RNF2: variants seen among roughly 807,000 people sequenced by gnomAD.
The protein encoded by RNF2 is E3 ubiquitin-protein ligase RING2.
A neutral mutation model predicts 37.2 loss-of-function variants in RNF2; 6 were observed. That is an observed-to-expected ratio of 0.16 (90% CI 0.09 to 0.32). The LOEUF (loss-of-function observed/expected upper bound fraction) is 0.32, where lower values mean the gene tolerates loss of function less well. Among genes scored for constraint, RNF2 ranks in the 10% least tolerant of loss-of-function variants. The probability of loss-of-function intolerance (pLI) is 1.00; values close to 1 mark genes in which losing one functional copy is unlikely to be tolerated. For synonymous variants in RNF2, 133 were observed against 132.7 expected (o/e 1.00, Z -0.02); for missense variants, 251 against 404.0 (o/e 0.62, Z 3.25).
At chr1:185,092,804 A>G (rs1651805348) in intron 3 of RNF2, among the ~76,000 whole-genome samples, 1 of 152,102 alleles carries the variant, frequency 6.6e-6, no homozygotes, top group Non-Finnish European at 1.5e-5. Flanking sequence ...TATTTCTAAG[A>G]TGGTTATATA....
intron 3 of RNF2, among the ~76,000 whole-genome samples, chr1:185,092,280 G>T (rs1177800879): frequency 6.6e-6 from 1 of 151,926 alleles, no homozygotes; most frequent in Non-Finnish European, 1.5e-5. Flanking sequence ...GGGTTCAAGT[G>T]ATTCTCCTGC....
chr1:185,057,437 G>A (rs1650466343), intron 1 of RNF2, among the ~76,000 whole-genome samples: 3 of 152,004 alleles, frequency 2.0e-5, no homozygotes, highest in South Asian at 4.2e-4. Context: ...ATTGTGGTTC[G>A]TTTATAAGTT....
intron 1 of RNF2, among the ~76,000 whole-genome samples, chr1:185,046,508 G>C (rs149355596): frequency 6.6e-6 from 1 of 152,094 alleles, no homozygotes; most frequent in Non-Finnish European, 1.5e-5. Context: ...CTCAAACTTT[G>C]AGGTTCATTC....
intron 1 of RNF2, among the ~76,000 whole-genome samples, chr1:185,065,987 A>G (rs1004713859): frequency 6.6e-6 from 1 of 151,396 alleles, no homozygotes; most frequent in Non-Finnish European, 1.5e-5. Flanking sequence ...GCATCTACAC[A>G]GCCACAAGCT....
At chr1:185,097,269 T>C (rs935664432) in intron 4 of RNF2, among the ~76,000 whole-genome samples, 10 of 152,240 alleles carry the variant, frequency 6.6e-5, no homozygotes, top group African/African-American at 1.7e-4. Context: ...TGTGTCCACG[T>C]TGGTTATTTA....
chr1:185,064,848 A>T (rs1490642488), intron 1 of RNF2, among the ~76,000 whole-genome samples: 3 of 151,604 alleles, frequency 2.0e-5, no homozygotes, highest in Non-Finnish European at 4.4e-5. Context: ...TGTATATGGA[A>T]TTTTTTTTTA....
At chr1:185,054,166 C>CT (rs1256306364) in intron 1 of RNF2, among the ~76,000 whole-genome samples, 1 of 152,242 alleles carries the variant, frequency 6.6e-6, no homozygotes, top group Non-Finnish European at 1.5e-5. Flanking sequence ...AAGTTTTACT[C>CT]TAATTATCCA....
intron 4 of RNF2, among the ~76,000 whole-genome samples, chr1:185,093,504 T>C (rs1221272956): frequency 2.6e-5 from 4 of 152,208 alleles, no homozygotes; most frequent in Non-Finnish European, 4.4e-5. Context: ...TTCTTCTCTT[T>C]ATAGCAAAAT....
At position 185,060,031 on chromosome 1, in the gene RNF2, G is replaced by A. The variant is rs909968214; in HGVS notation, c.-3+14382G>A. ...AGGGAATGTTACTGTGACTTCTTGCGTTGCCACTTGCTAAAGCTAACATTG... is the reference window on the plus strand; with the variant it reads ...AGGGAATGTTACTGTGACTTCTTGCATTGCCACTTGCTAAAGCTAACATTG... On this transcript the variant is annotated intron_variant, in intron 1 of 6. Transcript: ENST00000367510. Among the ~76,000 whole-genome samples the A allele has an allele frequency of 5.9e-5, 9 of 152,240 alleles. No individual in the cohort carries two copies. The South Asian group carries it at 8.3e-4, about 14-fold the overall frequency.
rs2102208591 is a variant in RNF2, at chr1:185,098,185, G to C, written c.578G>C (p.Ser193Thr). Reference protein sequence around the residue: ...STHSNQEAGPSNKRTKTSDDS... With the variant: ...STHSNQEAGPTNKRTKTSDDS... ...CATAGCAATCAGGAAGCAGGCCCTA[G>C]TAACAAACGGACCAAAACATCTGAT... Residue 193 changes from serine to threonine, a missense_variant, in exon 5 of 7, where the codon AGT (serine) becomes ACT (threonine). Ser to Thr is a moderately conservative substitution (Grantham distance 58). This residue lies in a region of RNF2 where 94 missense variants were observed against 99.2 expected (regional missense o/e 0.95). Transcript: ENST00000367510. 1 of 1,614,190 alleles carries C rather than the reference G, an allele frequency of 6.2e-7. No homozygotes were observed. The highest frequency in any genetic ancestry group is 8.5e-7 in the Non-Finnish European group (1 of 1,180,026).
intron 1 of RNF2, among the ~76,000 whole-genome samples, chr1:185,064,965 G>A (rs1026068993): frequency 6.6e-6 from 1 of 151,944 alleles, no homozygotes; most frequent in African/African-American, 2.4e-5. Context: ...TTACAGTTTT[G>A]TGTGTATGTG....
intron 1 of RNF2, among the ~76,000 whole-genome samples, chr1:185,084,669 T>G (rs1185492774): frequency 2.0e-5 from 3 of 152,224 alleles, no homozygotes; most frequent in Admixed American, 1.3e-4. Flanking sequence ...GTGCCCCACA[T>G]TCTTCATAAT....
At position 185,100,544 on chromosome 1, in the gene RNF2, T is replaced by C; in HGVS notation, c.*243T>C. 4.8e-5 allele frequency: 6 copies of C among 123,914 alleles called. No homozygotes were observed. Among genetic ancestry groups the C allele is most frequent in the Non-Finnish European group, 6.5e-5 (5 of 77,248 alleles). The allele number at this position is 123,914 out of a possible 1,614,324, so 7.7% of individuals were successfully genotyped here. On this transcript the variant is annotated 3_prime_UTR_variant, in exon 7 of 7. Transcript: ENST00000367510. The stretch of plus-strand genomic sequence containing the variant: ...AAAAATATATCTGAAGTTTCTTGTG[T>C]TTTTTTTTTTCCCCACAAAGTGTGT...
intron 1 of RNF2, among the ~76,000 whole-genome samples, chr1:185,062,317 C>A (rs1467161944): frequency 6.6e-6 from 1 of 152,110 alleles, no homozygotes; most frequent in Non-Finnish European, 1.5e-5. Context: ...GTATTAAGCT[C>A]ATGTTTTACA....
intron 1 of RNF2, among the ~76,000 whole-genome samples, chr1:185,051,545 G>T (rs1650272942): frequency 6.6e-6 from 1 of 152,176 alleles, no homozygotes; most frequent in South Asian, 2.1e-4. Flanking sequence ...AAAAAAGTGA[G>T]AGTGAGATCC....
At chr1:185,082,451 A>G (rs1651455168) in intron 1 of RNF2, among the ~76,000 whole-genome samples, 2 of 149,838 alleles carry the variant, frequency 1.3e-5, no homozygotes. Context: ...CCCAGGTTCA[A>G]GCGATCCTCC....
intron 1 of RNF2, among the ~76,000 whole-genome samples, chr1:185,076,265 G>GTTTT (rs1557967374): frequency 2.0e-4 from 8 of 39,554 alleles, no homozygotes; most frequent in East Asian, 1.3e-3. Context: ...TCTTTTATGG[G>GTTTT]TTGTTTTTTT....
At chr1:185,068,001 G>A (rs1397818926) in intron 1 of RNF2, among the ~76,000 whole-genome samples, 2 of 49,356 alleles carry the variant, frequency 4.1e-5, no homozygotes, top group Admixed American at 2.2e-4. Context: ...GAGCCACAGC[G>A]CCCGGCCTTT....
At chr1:185,052,780 G>C (rs2102151707) in intron 1 of RNF2, among the ~76,000 whole-genome samples, 1 of 152,314 alleles carries the variant, frequency 6.6e-6, no homozygotes, top group Admixed American at 6.5e-5. Flanking sequence ...GAATTTTTAA[G>C]CTGTGAAGTG....
Sources: allele counts gnomAD v4.1 joint callset (sites outside exome capture counted in the v4.1 genomes callset), GRCh38; gene constraint gnomAD v4.1.1; regional missense constraint gnomAD v4.1.1; transcripts MANE v1.5; gene names NCBI Gene and HGNC (gene_info 2026-07-23, HGNC 2026-07-21).